The following PRKACA variants were observed in gnomAD, a reference collection of about 807,000 sequenced individuals.
The protein encoded by PRKACA is cAMP-dependent protein kinase catalytic subunit alpha.
PRKACA carries 9 observed loss-of-function variants against 45.8 expected under a neutral mutation model. The ratio of observed to expected loss-of-function variants is 0.20; its 90% CI spans 0.12 to 0.34. The LOEUF (loss-of-function observed/expected upper bound fraction) is 0.34. PRKACA is among the 10% of genes least tolerant of loss of function. The probability of loss-of-function intolerance (pLI) is 1.00; values close to 1 mark genes in which losing one functional copy is unlikely to be tolerated. For synonymous variants in PRKACA, 160 were observed against 178.6 expected, an observed-to-expected ratio of 0.90 and a Z score of 0.83; for missense variants, 238 against 458.6, an observed-to-expected ratio of 0.52 and a Z score of 4.39.
At chr19:14,093,258 A>AC (rs1977144859) in intron 9 of PRKACA, 21 bp from the exon 10 acceptor site, 1 of 1,604,888 alleles carries the variant, frequency 6.2e-7, no homozygotes. Flanking sequence ...ATCAAGAATC[A>AC]CCCAGACCTC....
intron 1 of PRKACA, among the ~76,000 whole-genome samples, chr19:14,116,314 G>A (rs1441959005): frequency 6.6e-6 from 1 of 152,142 alleles, no homozygotes; most frequent in East Asian, 1.9e-4. Flanking sequence ...TTCTCTGGCT[G>A]GCTGGAAAAG....
At chr19:14,108,988 A>G (rs189381468) in intron 1 of PRKACA, among the ~76,000 whole-genome samples, 1 of 148,882 alleles carries the variant, frequency 6.7e-6, no homozygotes, top group Admixed American at 6.7e-5. Context: ...TTGGCCTCCC[A>G]AAGTGCTGGG....
intron 9 of PRKACA, 111 bp downstream of exon 9, chr19:14,093,517 C>G: frequency 7.2e-7 from 1 of 1,386,912 alleles, no homozygotes; most frequent in Non-Finnish European, 9.9e-7. Context: ...AAGCTCTCTA[C>G]TCTAGGTTGC....
Position 14,097,017 on chromosome 19 carries a change from C to T in PRKACA, c.765+344G>A, listed in dbSNP as rs552976925. On this transcript the variant is annotated intron_variant, in intron 8 of 9. Coordinates refer to ENST00000308677, the MANE Select transcript of PRKACA (RefSeq NM_002730.4). This position sits in a 1 kb window ranked among gnomAD's most constrained non-coding sequence, Gnocchi z 5.4. ...CCTGGGAACAGGAACCAAATACATT[C>T]GTTTTTCTGCCTTGGAATTTGCGAA... is the stretch of plus-strand genomic sequence containing the variant. 8.3e-6 allele frequency: 3 copies of T among 362,648 alleles called. No homozygotes were observed. The highest frequency in any genetic ancestry group is 2.1e-5 in the African/African-American group (1 of 47,172). 22.5% of individuals were successfully genotyped at this position (362,648 alleles called of 1,614,324 possible).
In PRKACA at chr19:14,106,782, A is replaced by G. The variant is rs764342858; in HGVS notation, c.215T>C (p.Met72Thr). The G allele has an allele frequency of 1.2e-6, 2 of 1,614,196 alleles. No individual in the cohort carries two copies. Among genetic ancestry groups the G allele is most frequent in the Non-Finnish European group, 1.7e-6 (2 of 1,180,024 alleles). The change falls in exon 3 of 10, where the codon ATG becomes ACG. Residue 72 changes from methionine to threonine, a missense_variant. Coordinates refer to ENST00000308677, the MANE Select transcript of PRKACA (RefSeq NM_002730.4). ...KHKETGNHYA[M>T]KILDKQKVVK... Reference sequence around the variant, plus strand: ...CACCTTCTGTTTGTCGAGGATCTTCATGGCATAGTGGTTCCCGGTCTCCTT... The same window carrying G: ...CACCTTCTGTTTGTCGAGGATCTTCGTGGCATAGTGGTTCCCGGTCTCCTT...
intron 1 of PRKACA, among the ~76,000 whole-genome samples, chr19:14,117,137 T>G: frequency 7.4e-6 from 1 of 135,282 alleles, no homozygotes; most frequent in Admixed American, 7.9e-5. Flanking sequence ...GAGGATCCCA[T>G]AGGTGAGAGA....
chr19:14,107,076 CAGATCCGGCCCTGGCCT>C (rs1977634980), intron 2 of PRKACA, among the ~76,000 whole-genome samples, 188 bp from the exon 3 acceptor site: 1 of 148,128 alleles, frequency 6.8e-6, no homozygotes, highest in Non-Finnish European at 1.5e-5. Context: ...TGGCAGGGGC[CAGATCCGGCCCTGGCCT>C]GGGGCCTGGA....
intron 1 of PRKACA, among the ~76,000 whole-genome samples, chr19:14,111,501 C>T (rs1461133197): frequency 6.6e-6 from 1 of 152,268 alleles, no homozygotes; most frequent in East Asian, 1.9e-4. Flanking sequence ...CAATGAATGG[C>T]CAGGAGTCCT....
rs1428351594 is a variant in PRKACA, at chr19:14,099,586, T to C, written c.419+1240A>G. ...GACTACAGGAATGTGCCACCACACC[T>C]GACTTTTTTTTTTTTTTTTTGTATT... On this transcript the variant is annotated intron_variant, in intron 5 of 9. Coordinates refer to ENST00000308677, the MANE Select transcript of PRKACA (RefSeq NM_002730.4). 5.4e-5 allele frequency among the ~76,000 whole-genome samples: 8 copies of C among 148,366 alleles called. No homozygotes were observed. In the Admixed American group the frequency reaches 5.4e-4, roughly 10 times the overall value.
intron 1 of PRKACA, among the ~76,000 whole-genome samples, chr19:14,113,427 G>A (rs745798513): frequency 1.4e-4 from 21 of 152,122 alleles, no homozygotes; most frequent in Admixed American, 2.6e-4. Context: ...TCTCACTCTG[G>A]TCCAGATTCC....
At position 14,092,719 on chromosome 19, in the gene PRKACA, T is replaced by TGGGGGGGGGG; in HGVS notation, c.*392_*393insCCCCCCCCCC. 1 of 248,530 alleles carries TGGGGGGGGGG rather than the reference T, an allele frequency of 4.0e-6. No individual in the cohort carries two copies. The highest frequency in any genetic ancestry group is 7.3e-6 in the Non-Finnish European group (1 of 136,382). 15.4% of individuals were successfully genotyped at this position (248,530 alleles called of 1,614,324 possible). A position where few individuals can be genotyped will look rare whatever the true frequency, so the allele number is the denominator to read the frequency against. ...CCTGTGGTTGGGTGGGATGGGGGTG[T>TGGGGGGGGGG]GGGTGGGGGCTGGAGTTAAGCGTGA... On this transcript the variant is annotated 3_prime_UTR_variant, in exon 10 of 10. Transcript: ENST00000308677.
At position 14,113,571 on chromosome 19, in the gene PRKACA, G is replaced by A. The variant is rs544628283; in HGVS notation, c.46+3931C>T. ...ATATCAATTTGGGCAAGGGGCTTGG[G>A]GTCTCTCTCGGAAGGAGCCCAGCCA... is the stretch of plus-strand genomic sequence containing the variant. On this transcript the variant is annotated intron_variant, in intron 1 of 9. Coordinates refer to ENST00000308677, the MANE Select transcript of PRKACA (RefSeq NM_002730.4). 4.5e-3 allele frequency among the ~76,000 whole-genome samples: 683 copies of A among 152,274 alleles called. 3 individuals carry two copies. Among genetic ancestry groups the A allele is most frequent in the Non-Finnish European group, 7.2e-3 (493 of 68,016 alleles).
intron 1 of PRKACA, chr19:14,114,180 C>G (rs375578437): frequency 1.2e-6 from 2 of 1,608,568 alleles, no homozygotes; most frequent in South Asian, 2.2e-5. Flanking sequence ...CTCAGGGCAC[C>G]GGCACTACGG....
chr19:14,101,244 G>A (rs1977432983), intron 4 of PRKACA: 1 of 253,780 alleles, frequency 3.9e-6, no homozygotes, highest in African/African-American at 2.2e-5. Context: ...GTGGGGCCCA[G>A]AATAAAAAAG....
chr19:14,108,190 C>T (rs1977669218), intron 1 of PRKACA: 4 of 980,616 alleles, frequency 4.1e-6, no homozygotes, highest in Non-Finnish European at 4.8e-6. Context: ...GGGTCAAGAT[C>T]CAGTTCAGAG....
intron 1 of PRKACA, chr19:14,108,284 G>C: frequency 2.4e-6 from 1 of 419,810 alleles, no homozygotes; most frequent in Non-Finnish European, 3.2e-6. Context: ...TCTGTAAAGT[G>C]GGGTGGTTTT....
intron 1 of PRKACA, chr19:14,108,253 TC>T (rs1451269613): frequency 1.5e-6 from 1 of 665,674 alleles, no homozygotes; most frequent in African/African-American, 2.0e-5. Context: ...ATCTCACCTC[TC>T]TAGGCCTCAG....
chr19:14,104,262 G>A (rs1253868579), intron 3 of PRKACA, among the ~76,000 whole-genome samples: 10 of 150,372 alleles, frequency 6.7e-5, no homozygotes, highest in Admixed American at 4.6e-4. Flanking sequence ...GCATGAACCC[G>A]GGAGGTGGAG....
intron 1 of PRKACA, among the ~76,000 whole-genome samples, chr19:14,108,927 C>T (rs1288335839): frequency 1.3e-5 from 2 of 150,808 alleles, no homozygotes; most frequent in South Asian, 2.1e-4. Context: ...AGGGTTTTGC[C>T]ATGTTGGCTA....
Sources: allele counts gnomAD v4.1 joint callset (sites outside exome capture counted in the v4.1 genomes callset), GRCh38; gene constraint gnomAD v4.1.1; non-coding constraint Gnocchi (gnomAD v3.1); transcripts MANE v1.5; gene names NCBI Gene and HGNC (gene_info 2026-07-23, HGNC 2026-07-21).